Variants in ZNF536 observed in about 807,000 individuals in gnomAD.
The protein encoded by ZNF536 is zinc finger protein 536.
A neutral mutation model predicts 84.5 loss-of-function variants in ZNF536; 13 were observed. The ratio of observed to expected loss-of-function variants is 0.15; its 90% CI spans 0.10 to 0.24. The LOEUF is 0.24. Ranked by LOEUF, ZNF536 falls within the 10% of genes least tolerant of loss-of-function variation. ZNF536 has a pLI of 1.00. For missense variants in ZNF536, 1,536 were observed against 1,747.5 expected (o/e 0.88, Z 2.16); for synonymous variants, 811 against 742.5 (o/e 1.09, Z -1.50).
chr19:30,288,858 A>C (rs1419216018), intron 2 of ZNF536, among the ~76,000 whole-genome samples: 1 of 152,108 alleles, frequency 6.6e-6, no homozygotes, highest in Non-Finnish European at 1.5e-5. Flanking sequence ...CCCTTTCTCC[A>C]TCTTTATTCA....
intron 4 of ZNF536, chr19:30,555,760 C>G (rs964584496): frequency 2.0e-5 from 3 of 152,210 alleles, no homozygotes; most frequent in African/African-American, 7.2e-5. Flanking sequence ...GCCATTGGTA[C>G]ATTTTTCATC....
At chr19:30,460,080 C>T (rs949868501) in intron 2 of ZNF536, among the ~76,000 whole-genome samples, 2 of 152,144 alleles carry the variant, frequency 1.3e-5, no homozygotes, top group African/African-American at 4.8e-5. Flanking sequence ...CATCCCCATG[C>T]CACCAAACAG....
intron 2 of ZNF536, among the ~76,000 whole-genome samples, chr19:30,329,112 C>T (rs553835497): frequency 6.6e-6 from 1 of 152,344 alleles, no homozygotes; most frequent in African/African-American, 2.4e-5. Context: ...AGAGAGGCCT[C>T]TTAGCCCTCA....
rs569023669 is a variant in ZNF536, at chr19:30,229,891, C to T, written c.-190+1218C>T. Reference sequence around the variant, plus strand: ...CTCTGCCTGTGGACTTTGTCTGCCTCAGTCCCAGACACTGACATACATGAC... The same window carrying T: ...CTCTGCCTGTGGACTTTGTCTGCCTTAGTCCCAGACACTGACATACATGAC... On this transcript the variant is annotated intron_variant, in intron 1 of 5. Transcript: ENST00000585628. Among the ~76,000 whole-genome samples, 104 of 152,342 alleles carry T rather than the reference C, an allele frequency of 6.8e-4. 1 individual carries two copies. Among genetic ancestry groups the T allele is most frequent in the African/African-American group, 2.2e-3 (93 of 41,584 alleles).
At chr19:30,508,136 C>T (rs1397243489) in intron 2 of ZNF536, among the ~76,000 whole-genome samples, 1 of 152,206 alleles carries the variant, frequency 6.6e-6, no homozygotes, top group East Asian at 1.9e-4. Context: ...GGGGATGGGG[C>T]TGTCGGCTCC....
intron 1 of ZNF536, among the ~76,000 whole-genome samples, chr19:30,605,929 G>A (rs1437396638): frequency 6.6e-6 from 1 of 152,068 alleles, no homozygotes; most frequent in Non-Finnish European, 1.5e-5. Context: ...ACTTAGGACA[G>A]AAAGACTTTG....
intron 1 of ZNF536, among the ~76,000 whole-genome samples, chr19:30,607,617 G>T (rs1394827615): frequency 6.6e-6 from 1 of 151,438 alleles, no homozygotes; most frequent in Non-Finnish European, 1.5e-5. Context: ...AGCTACTCGG[G>T]AGGCTGAGGC....
intron 1 of ZNF536, among the ~76,000 whole-genome samples, chr19:30,693,006 GCTCCAAAACCT>G (rs2051474050): frequency 6.6e-6 from 1 of 151,968 alleles, no homozygotes; most frequent in African/African-American, 2.4e-5. Context: ...TAGTTTAGCA[GCTCCAAAACCT>G]GGGGGGGAGA....
At chr19:30,249,338 A>G (rs959856420) in intron 1 of ZNF536, among the ~76,000 whole-genome samples, 1 of 139,660 alleles carries the variant, frequency 7.2e-6, no homozygotes, top group South Asian at 2.6e-4. Context: ...GAAAAGAAGG[A>G]GAAGGAGGAG....
At chr19:30,376,029 T>G (rs2048806433) in intron 1 of ZNF536, among the ~76,000 whole-genome samples, 1 of 152,006 alleles carries the variant, frequency 6.6e-6, no homozygotes, top group Non-Finnish European at 1.5e-5. Flanking sequence ...TGTGAATGAG[T>G]GTGCGCGGGT....
intron 1 of ZNF536, among the ~76,000 whole-genome samples, chr19:30,700,321 T>C (rs1038725211): frequency 6.8e-6 from 1 of 146,966 alleles, no homozygotes; most frequent in South Asian, 2.2e-4. Flanking sequence ...TTTCTTTCTC[T>C]ATCCCTCCTT....
At chr19:30,331,641 C>G (rs1422735927) in intron 2 of ZNF536, among the ~76,000 whole-genome samples, 1 of 151,918 alleles carries the variant, frequency 6.6e-6, no homozygotes, top group Non-Finnish European at 1.5e-5. Flanking sequence ...TTTTCTTCCA[C>G]TTGACCTTAG....
chr19:30,561,756 T>C (rs1412671665), downstream of ZNF536, among the ~76,000 whole-genome samples: 1 of 151,694 alleles, frequency 6.6e-6, no homozygotes, highest in Non-Finnish European at 1.5e-5. Flanking sequence ...CAGCTGAGGG[T>C]CCCTCCAGCC....
At chr19:30,357,164 AG>A (rs767238029) in intron 3 of ZNF536, among the ~76,000 whole-genome samples, 2 of 152,346 alleles carry the variant, frequency 1.3e-5, no homozygotes, top group Admixed American at 6.5e-5. Context: ...GGGGAAGGAC[AG>A]GGGTAGTATC....
intron 2 of ZNF536, among the ~76,000 whole-genome samples, chr19:30,464,693 C>G (rs561274086): frequency 3.6e-4 from 55 of 151,910 alleles, no homozygotes; most frequent in Middle Eastern, 3.4e-3. Context: ...GGAAGTAGGT[C>G]CCATGGGAAG....
intron 1 of ZNF536, among the ~76,000 whole-genome samples, chr19:30,580,840 AC>A (rs370657525): frequency 6.6e-4 from 101 of 152,122 alleles, no homozygotes; most frequent in African/African-American, 2.1e-3. Flanking sequence ...CCTGCTGGTG[AC>A]CCCACTGACA....
intron 1 of ZNF536, among the ~76,000 whole-genome samples, chr19:30,702,296 T>C (rs1017830046): frequency 3.9e-5 from 6 of 152,260 alleles, no homozygotes; most frequent in Non-Finnish European, 5.9e-5. Context: ...ATTTATATAT[T>C]ATTCATAGTG....
intron 1 of ZNF536, among the ~76,000 whole-genome samples, chr19:30,637,985 C>A (rs1207195110): frequency 1.3e-5 from 2 of 152,188 alleles, no homozygotes; most frequent in African/African-American, 2.4e-5. Context: ...CATCACAGCA[C>A]AACCCAAACA....
chr19:30,569,088 C>A (rs541119842), intron 1 of ZNF536, among the ~76,000 whole-genome samples: 1 of 152,204 alleles, frequency 6.6e-6, no homozygotes, highest in Non-Finnish European at 1.5e-5. Context: ...AGAGGACACA[C>A]CACATATCCA....
Sources: allele counts gnomAD v4.1 joint callset (sites outside exome capture counted in the v4.1 genomes callset), GRCh38; gene constraint gnomAD v4.1.1; transcripts MANE v1.5; gene names NCBI Gene and HGNC (gene_info 2026-07-23, HGNC 2026-07-21).